Variants in GPHN observed in about 807,000 individuals in gnomAD.
The protein encoded by GPHN is gephyrin.
A neutral mutation model predicts 95.5 loss-of-function variants in GPHN; 17 were observed. The observed-to-expected ratio is 0.18, with a 90% CI of 0.12 to 0.27. GPHN has a LOEUF of 0.27. Among genes scored for constraint, GPHN ranks in the 10% least tolerant of loss-of-function variants. The pLI is 1.00. For missense variants in GPHN, 660 were observed against 978.1 expected, an observed-to-expected ratio of 0.67 and a Z score of 4.34; for synonymous variants, 320 against 322.5, an observed-to-expected ratio of 0.99 and a Z score of 0.08.
chr14:67,099,891 T>C (rs1255911631), intron 12 of GPHN, among the ~76,000 whole-genome samples: 4 of 152,168 alleles, frequency 2.6e-5, no homozygotes, highest in Non-Finnish European at 5.9e-5. Context: ...AACTCTGCTG[T>C]TTGCAGATAA....
At chr14:66,828,493 G>A (rs138164162) in intron 4 of GPHN, among the ~76,000 whole-genome samples, 2 of 152,166 alleles carry the variant, frequency 1.3e-5, no homozygotes, top group East Asian at 3.9e-4. Context: ...ATTTTTAAAT[G>A]AGGTCAGAAG....
At chr14:67,374,576 C>A in the GPHN span, 3 of 1,429,828 alleles carry the variant, frequency 2.1e-6, no homozygotes, top group Non-Finnish European at 2.0e-6. Context: ...CAAATTAGTC[C>A]ACTATCTGTG....
chr14:67,270,980 G>A, the GPHN span: 1 of 152,172 alleles, frequency 6.6e-6, no homozygotes, highest in Non-Finnish European at 1.5e-5. Flanking sequence ...ACACAAATGA[G>A]GAAGGTAAAT....
intron 1 of GPHN, among the ~76,000 whole-genome samples, chr14:66,653,487 G>A (rs1477847182): frequency 1.3e-5 from 2 of 152,244 alleles, no homozygotes; most frequent in South Asian, 2.1e-4. Flanking sequence ...ACAGTACAGT[G>A]TCACAATCAG....
chr14:67,194,518 TC>T, the GPHN span, among the ~76,000 whole-genome samples: 1 of 151,952 alleles, frequency 6.6e-6, no homozygotes, highest in African/African-American at 2.4e-5. Context: ...CTATTTTTTT[TC>T]CCCCAAGACA....
chr14:66,838,193 A>C (rs1218819262), intron 4 of GPHN, among the ~76,000 whole-genome samples: 2 of 152,198 alleles, frequency 1.3e-5, no homozygotes, highest in African/African-American at 2.4e-5. Flanking sequence ...GTGTAAAATG[A>C]TAGTAAGAGT....
chr14:67,056,436 T>G (rs187088253), intron 10 of GPHN, among the ~76,000 whole-genome samples: 1 of 152,250 alleles, frequency 6.6e-6, no homozygotes, highest in Non-Finnish European at 1.5e-5. Context: ...GATTGGTGTG[T>G]TTATAATCCT....
intron 10 of GPHN, among the ~76,000 whole-genome samples, chr14:67,049,588 C>A (rs185803115): frequency 0.019 from 2,904 of 151,746 alleles, 36 homozygotes; most frequent in Middle Eastern, 0.034. Context: ...TCTCAGCTCA[C>A]TGCAACCTCC....
the GPHN span, among the ~76,000 whole-genome samples, chr14:67,461,274 AT>A: frequency 2.0e-5 from 3 of 152,142 alleles, no homozygotes; most frequent in African/African-American, 7.2e-5. Context: ...TATTGGCCAC[AT>A]TTTCAGATGA....
At chr14:67,320,573 A>G in the GPHN span, among the ~76,000 whole-genome samples, 2 of 152,214 alleles carry the variant, frequency 1.3e-5, no homozygotes, top group Non-Finnish European at 2.9e-5. Flanking sequence ...TTATTAAGAA[A>G]TTTAAATTTG....
intron 20 of GPHN, among the ~76,000 whole-genome samples, chr14:67,167,429 A>G (rs1303270842): frequency 1.3e-5 from 2 of 152,140 alleles, no homozygotes; most frequent in African/African-American, 2.4e-5. Flanking sequence ...TTTTGAAGCA[A>G]GGGAAAGTAA....
At chr14:67,018,891 A>C (rs768602690) in intron 9 of GPHN, among the ~76,000 whole-genome samples, 6 of 152,236 alleles carry the variant, frequency 3.9e-5, no homozygotes, top group Non-Finnish European at 8.8e-5. Context: ...TACCAAAGCC[A>C]CATTAAAGGG....
intron 11 of GPHN, among the ~76,000 whole-genome samples, chr14:67,071,384 C>T (rs2153657368): frequency 6.6e-6 from 1 of 150,752 alleles, no homozygotes; most frequent in East Asian, 2.0e-4. Context: ...ATCGCAAGGA[C>T]AGAAAACCAA....
At chr14:67,203,308 G>A in the GPHN span, 2 of 1,554,654 alleles carry the variant, frequency 1.3e-6, no homozygotes, top group Non-Finnish European at 1.7e-6. Flanking sequence ...GTTACAAAGA[G>A]AAGAGGTTAA....
chr14:67,579,704 C>T, the GPHN span: 1 of 1,609,732 alleles, frequency 6.2e-7, no homozygotes, highest in Admixed American at 1.7e-5. Flanking sequence ...AGGGTTGGAA[C>T]TCTTCTCCCG....
the GPHN span, among the ~76,000 whole-genome samples, chr14:67,503,284 G>A: frequency 1.3e-5 from 2 of 152,222 alleles, no homozygotes; most frequent in South Asian, 4.1e-4. Flanking sequence ...AGTTTGGGTA[G>A]GCAGCAAGGC....
At chr14:67,389,766 GTTT>G in the GPHN span, among the ~76,000 whole-genome samples, 1 of 144,564 alleles carries the variant, frequency 6.9e-6, no homozygotes, top group Non-Finnish European at 1.5e-5. Context: ...AAACTAAAGT[GTTT>G]TTTTTCTTTT....
intron 4 of GPHN, among the ~76,000 whole-genome samples, chr14:66,831,532 T>A (rs1010967502): frequency 6.6e-6 from 1 of 152,196 alleles, no homozygotes. Context: ...CCATGTCATA[T>A]CTTTGTCTAA....
At chr14:67,159,305 GA>G (rs1204051783) in intron 18 of GPHN, 109 bp from the exon 19 acceptor site, 47 of 775,282 alleles carry the variant, frequency 6.1e-5, no homozygotes, top group Non-Finnish European at 1.1e-4. Context: ...ATTAAAATAA[GA>G]AAGATGTTTC....
Sources: gnomAD v4.1 joint callset for allele counts (sites outside exome capture counted in the v4.1 genomes callset) on GRCh38, gnomAD v4.1.1 for gene constraint, MANE v1.5 for transcripts, NCBI Gene and HGNC (gene_info 2026-07-23, HGNC 2026-07-21) for gene names.